The following SOX5 variants were observed in gnomAD, a reference collection of about 807,000 sequenced individuals.
The protein encoded by SOX5 is transcription factor SOX-5.
SOX5 carries 9 observed loss-of-function variants against 92.0 expected under a neutral mutation model. The observed-to-expected ratio is 0.10, with a 90% CI of 0.06 to 0.17. The LOEUF (loss-of-function observed/expected upper bound fraction) is 0.17, where lower values mean the gene tolerates loss of function less well. SOX5 is among the 10% of genes least tolerant of loss of function. The pLI, the probability that SOX5 is intolerant of heterozygous loss-of-function variation, is 1.00. For synonymous variants in SOX5, 344 were observed against 336.3 expected (o/e 1.02, Z -0.25); for missense variants, 642 against 944.5 (o/e 0.68, Z 4.20).
At chr12:24,283,094 T>G (rs1012581009) in intron 2 of SOX5, among the ~76,000 whole-genome samples, 1 of 152,236 alleles carries the variant, frequency 6.6e-6, no homozygotes, top group Non-Finnish European at 1.5e-5. Flanking sequence ...TGCCGTAGTC[T>G]TAACCACTGG....
At chr12:23,765,260 A>G (rs2094683909) in intron 3 of SOX5, among the ~76,000 whole-genome samples, 1 of 151,816 alleles carries the variant, frequency 6.6e-6, no homozygotes, top group Non-Finnish European at 1.5e-5. Context: ...AGGTAAGAAA[A>G]TACAACAGTT....
intron 6 of SOX5, among the ~76,000 whole-genome samples, chr12:23,722,180 T>C (rs1487305289): frequency 1.3e-5 from 2 of 152,332 alleles, no homozygotes; most frequent in East Asian, 3.9e-4. Flanking sequence ...TTGTGGAACT[T>C]ACAGCTCAGT....
chr12:24,176,683 A>C (rs1051724963), intron 4 of SOX5, among the ~76,000 whole-genome samples: 5 of 152,200 alleles, frequency 3.3e-5, no homozygotes, highest in African/African-American at 4.8e-5. Context: ...TCCTCACTGC[A>C]GTGGGAGTCT....
At chr12:23,825,100 C>T (rs1010101068) in intron 3 of SOX5, among the ~76,000 whole-genome samples, 4 of 151,950 alleles carry the variant, frequency 2.6e-5, no homozygotes, top group African/African-American at 9.7e-5. Flanking sequence ...GGGGAGTGAA[C>T]GGTTCTGTCT....
At chr12:24,319,732 C>T (rs1284860107) in intron 2 of SOX5, among the ~76,000 whole-genome samples, 5 of 152,168 alleles carry the variant, frequency 3.3e-5, no homozygotes, top group Admixed American at 3.3e-4. Context: ...GTACGGTGTG[C>T]AAGACTTTTC....
intron 4 of SOX5, among the ~76,000 whole-genome samples, chr12:24,088,140 T>TA (rs148191435): frequency 0.046 from 6,928 of 151,552 alleles, 168 homozygotes; most frequent in Non-Finnish European, 0.052. Flanking sequence ...ATCTCATCTT[T>TA]AAAAAAAAAT....
At chr12:23,554,966 AG>A (rs1944879235) in intron 11 of SOX5, among the ~76,000 whole-genome samples, 1 of 152,152 alleles carries the variant, frequency 6.6e-6, no homozygotes, top group Non-Finnish European at 1.5e-5. Flanking sequence ...GAAAGAATCA[AG>A]GGGGAAAAGA....
chr12:24,476,002 A>ATT (rs1478607601), intron 1 of SOX5, among the ~76,000 whole-genome samples: 5 of 144,746 alleles, frequency 3.5e-5, no homozygotes, highest in African/African-American at 1.0e-4. Context: ...TTAAAAAAAA[A>ATT]AAAAAAAAAA....
chr12:24,407,330 G>A (rs770236583), intron 1 of SOX5, among the ~76,000 whole-genome samples: 11 of 152,166 alleles, frequency 7.2e-5, no homozygotes, highest in Admixed American at 3.3e-4. Context: ...CCACCCCCTC[G>A]AGAACTTGGC....
Position 24,482,558 on chromosome 12 carries a change from C to T in SOX5, c.-251+79771G>A, listed in dbSNP as rs180735303. 1.5e-3 allele frequency among the ~76,000 whole-genome samples: 230 copies of T among 152,248 alleles called. 2 individuals are homozygous for T. Among genetic ancestry groups the T allele is most frequent in the Non-Finnish European group, 4.7e-4 (32 of 67,996 alleles). ...CTCCTAAGAAATAAAAATGTTTACACCTTTTTATTGAAATACAATTTCAAT... is the reference window on the plus strand; with the variant it reads ...CTCCTAAGAAATAAAAATGTTTACATCTTTTTATTGAAATACAATTTCAAT... On this transcript the variant is annotated intron_variant, in intron 1 of 4. Transcript: ENST00000446891.
chr12:23,961,646 C>G (rs981384386), intron 4 of SOX5, among the ~76,000 whole-genome samples: 1 of 152,138 alleles, frequency 6.6e-6, no homozygotes, highest in Non-Finnish European at 1.5e-5. Flanking sequence ...TTCTGTAACA[C>G]CCAGTAGAAC....
rs553771540 is a variant in SOX5 at position 24,347,611 on chromosome 12, G to C, written c.-174+20952C>G. ...TCATCATAGGAAATAAATGTGTAAGGGGATTTAACGATAAAATATGTTTGA... is the reference window on the plus strand; with the variant it reads ...TCATCATAGGAAATAAATGTGTAAGCGGATTTAACGATAAAATATGTTTGA... On this transcript the variant is annotated intron_variant, in intron 2 of 4. Coordinates refer to the SOX5 transcript ENST00000446891. Among the ~76,000 whole-genome samples, 198 of 152,128 alleles carry C rather than the reference G, an allele frequency of 1.3e-3. 1 individual carries two copies. The highest frequency in any genetic ancestry group is 4.6e-3 in the African/African-American group (189 of 41,480).
At chr12:24,558,123 T>G (rs1020994120) in intron 1 of SOX5, among the ~76,000 whole-genome samples, 1 of 152,188 alleles carries the variant, frequency 6.6e-6, no homozygotes, top group Non-Finnish European at 1.5e-5. Context: ...CATAATAAAC[T>G]GCCAAAATAA....
chr12:23,648,539 T>G (rs973723432), intron 7 of SOX5, among the ~76,000 whole-genome samples: 1 of 152,194 alleles, frequency 6.6e-6, no homozygotes, highest in Non-Finnish European at 1.5e-5. Context: ...ATATGTCTGG[T>G]GTTCTTATAA....
chr12:24,403,789 G>A (rs188889837), intron 1 of SOX5, among the ~76,000 whole-genome samples: 57 of 152,216 alleles, frequency 3.7e-4, no homozygotes, highest in Non-Finnish European at 6.2e-4. Context: ...TTCTCAATAC[G>A]CATATTTCTC....
chr12:23,967,209 A>G (rs1947692498), intron 4 of SOX5, among the ~76,000 whole-genome samples: 1 of 152,168 alleles, frequency 6.6e-6, no homozygotes, highest in Admixed American at 6.5e-5. Context: ...TGAAAAGTCG[A>G]CACTAGGTGG....
At chr12:24,374,249 A>T (rs993228201) in intron 1 of SOX5, among the ~76,000 whole-genome samples, 1 of 151,782 alleles carries the variant, frequency 6.6e-6, no homozygotes, top group Non-Finnish European at 1.5e-5. Flanking sequence ...GTGGGCTGAC[A>T]GTCCTCTTTC....
intron 2 of SOX5, among the ~76,000 whole-genome samples, chr12:24,301,451 T>C (rs762290560): frequency 3.3e-5 from 5 of 152,204 alleles, no homozygotes; most frequent in Non-Finnish European, 7.3e-5. Flanking sequence ...TCTCATAATA[T>C]CTTATGATAT....
At chr12:24,037,271 A>G (rs1383381921) in intron 4 of SOX5, among the ~76,000 whole-genome samples, 6 of 152,170 alleles carry the variant, frequency 3.9e-5, no homozygotes, top group Non-Finnish European at 7.4e-5. Flanking sequence ...ACAGACAGCA[A>G]AAGAGTGAAT....
Sources: allele counts gnomAD v4.1 joint callset (sites outside exome capture counted in the v4.1 genomes callset), GRCh38; gene constraint gnomAD v4.1.1; transcripts MANE v1.5; gene names NCBI Gene and HGNC (gene_info 2026-07-23, HGNC 2026-07-21).